Variants in SHANK2 observed in about 807,000 individuals in gnomAD.
SHANK2 encodes the protein SH3 and multiple ankyrin repeat domains protein 2.
SHANK2 carries 43 observed loss-of-function variants against 133.7 expected under a neutral mutation model. That is an observed-to-expected ratio of 0.32 (90% CI 0.25 to 0.41). The LOEUF is 0.41. Among genes scored for constraint, SHANK2 ranks in the 10% least tolerant of loss-of-function variants. SHANK2 has a pLI of 1.00. For synonymous variants in SHANK2, 1,017 were observed against 952.8 expected, an observed-to-expected ratio of 1.07 and a Z score of -1.24; for missense variants, 1,994 against 2,235.8, an observed-to-expected ratio of 0.89 and a Z score of 2.18.
At chr11:71,093,426 C>T (rs1951552913) in intron 7 of SHANK2, among the ~76,000 whole-genome samples, 2 of 152,092 alleles carry the variant, frequency 1.3e-5, no homozygotes, top group Non-Finnish European at 2.9e-5. Flanking sequence ...CAAATTGTAA[C>T]CCCCAGTGCT....
At chr11:71,129,307 G>A (rs1242064432) in intron 3 of SHANK2, among the ~76,000 whole-genome samples, 3 of 152,156 alleles carry the variant, frequency 2.0e-5, no homozygotes, top group East Asian at 3.9e-4. Context: ...TGATTCTGGC[G>A]AGGGGAGGCT....
chr11:70,743,089 G>C (rs1480605800), intron 14 of SHANK2, among the ~76,000 whole-genome samples: 3 of 152,214 alleles, frequency 2.0e-5, no homozygotes, highest in Non-Finnish European at 4.4e-5. Flanking sequence ...GGACCAGCGT[G>C]CATCTGCCGG....
At chr11:70,713,442 C>T (rs999860624) in intron 14 of SHANK2, among the ~76,000 whole-genome samples, 12 of 152,234 alleles carry the variant, frequency 7.9e-5, no homozygotes, top group Non-Finnish European at 1.3e-4. Context: ...TTTCACAGAA[C>T]CCCCGTAGCA....
rs138895963 is a variant in SHANK2, at chr11:70,890,896, G to A, written c.1174+5605C>T. On this transcript the variant is annotated intron_variant, in intron 11 of 25. Transcript: ENST00000601538. ...GGAGAATCGCTTGAACCCGGGAGGC[G>A]GAGGTTGCAATGAGCCAAGATCGTG... is the stretch of plus-strand genomic sequence containing the variant. Among the ~76,000 whole-genome samples, 803 of 151,956 alleles carry A rather than the reference G, an allele frequency of 5.3e-3. 8 individuals carry two copies. Among genetic ancestry groups the A allele is most frequent in the African/African-American group, 0.018 (728 of 41,416 alleles).
chr11:71,100,292 C>T (rs1016299248), intron 6 of SHANK2, among the ~76,000 whole-genome samples: 1 of 152,330 alleles, frequency 6.6e-6, no homozygotes, highest in East Asian at 1.9e-4. Flanking sequence ...TGAAAACTTA[C>T]GTCCACAAGG....
chr11:70,522,858 G>A, intron 17 of SHANK2, among the ~76,000 whole-genome samples: 1 of 152,112 alleles, frequency 6.6e-6, no homozygotes, highest in East Asian at 1.9e-4. Flanking sequence ...AGCCAGCCAG[G>A]CATTTGGGCC....
Position 71,141,077 on chromosome 11 carries a change from G to A in SHANK2, c.207+6043C>T, listed in dbSNP as rs569684197. Among the ~76,000 whole-genome samples, 9 of 152,346 alleles carry A rather than the reference G, an allele frequency of 5.9e-5. No individual in the cohort carries two copies. In the South Asian group the frequency reaches 1.9e-3, roughly 32 times the overall value. ...GATTAAGCATAAACCCTCCCCATGA[G>A]TAGGAGGGAGCAGTGGGGCTCCCGG... On this transcript the variant is annotated intron_variant, in intron 3 of 25. Transcript: ENST00000601538.
chr11:70,800,599 A>G (rs1555050306), intron 13 of SHANK2, among the ~76,000 whole-genome samples: 1 of 152,194 alleles, frequency 6.6e-6, no homozygotes, highest in Non-Finnish European at 1.5e-5. Context: ...ACCCCACTTT[A>G]TAAGTTCCTA....
rs782340227 is a variant in SHANK2 at position 70,882,950 on chromosome 11, G to A, written c.1174+13551C>T. ...TGGAGGTGAGGGCGGGCTTGCCTGC[G>A]GCCTGTGGGAGGGGAGGGCAGGAGC... On this transcript the variant is annotated intron_variant, in intron 11 of 25. Transcript: ENST00000601538. The surrounding 1 kb of genome is among the most constrained non-coding windows in gnomAD (Gnocchi z 4.2). Among the ~76,000 whole-genome samples the A allele has an allele frequency of 6.6e-6, 1 of 152,140 alleles. No homozygotes were observed. The highest frequency in any genetic ancestry group is 1.5e-5 in the Non-Finnish European group (1 of 68,022).
At chr11:70,766,681 C>T (rs1176019770) in intron 14 of SHANK2, among the ~76,000 whole-genome samples, 1 of 152,138 alleles carries the variant, frequency 6.6e-6, no homozygotes, top group Non-Finnish European at 1.5e-5. Context: ...GGCCGGAATG[C>T]TCCTTGCCGC....
rs1329989201 is a variant in SHANK2, at chr11:71,198,120, A to AT, written c.-13+26576dup. Among the ~76,000 whole-genome samples, 523 of 148,274 alleles carry AT rather than the reference A, an allele frequency of 3.5e-3. 4 individuals are homozygous for AT. Among genetic ancestry groups the AT allele is most frequent in the African/African-American group, 0.011 (464 of 40,604 alleles). Reference sequence around the variant, plus strand: ...TGCATTTTTGCCTTGCTTTTAATTAATTTTTTTTTTTAGAGATGGGGTCTC... The same window carrying AT: ...TGCATTTTTGCCTTGCTTTTAATTAATTTTTTTTTTTTAGAGATGGGGTCTC... On this transcript the variant is annotated intron_variant, in intron 2 of 25. Coordinates refer to ENST00000601538, the MANE Select transcript of SHANK2 (RefSeq NM_012309.5).
At chr11:70,631,525 A>G (rs1555002228) in intron 17 of SHANK2, among the ~76,000 whole-genome samples, 2 of 152,168 alleles carry the variant, frequency 1.3e-5, no homozygotes, top group Non-Finnish European at 2.9e-5. Flanking sequence ...TCCACTCGGC[A>G]AAGTCCCAGC....
intron 3 of SHANK2, among the ~76,000 whole-genome samples, chr11:71,130,753 G>A (rs1224316811): frequency 1.3e-5 from 2 of 152,152 alleles, no homozygotes; most frequent in Non-Finnish European, 2.9e-5. Flanking sequence ...AAGAGAACAA[G>A]GGGGAGGAAA....
intron 15 of SHANK2, among the ~76,000 whole-genome samples, chr11:70,675,219 G>C (rs555510306): frequency 6.6e-6 from 1 of 152,340 alleles, no homozygotes; most frequent in Admixed American, 6.5e-5. Context: ...GGATAGACCT[G>C]AATTCTGGCT....
chr11:70,841,065 C>T (rs1948895691), intron 11 of SHANK2, among the ~76,000 whole-genome samples: 1 of 152,084 alleles, frequency 6.6e-6, no homozygotes, highest in Non-Finnish European at 1.5e-5. Flanking sequence ...GAGTTCAAGA[C>T]CAGCCTGGCC....
chr11:71,120,869 GA>G (rs1952073115), intron 3 of SHANK2, among the ~76,000 whole-genome samples: 1 of 152,194 alleles, frequency 6.6e-6, no homozygotes, highest in Non-Finnish European at 1.5e-5. Flanking sequence ...CTCCCTCCCT[GA>G]CACCTGCAGA....
chr11:71,079,462 T>G (rs1951263216), intron 8 of SHANK2, among the ~76,000 whole-genome samples: 1 of 152,130 alleles, frequency 6.6e-6, no homozygotes, highest in Non-Finnish European at 1.5e-5. Flanking sequence ...TTTACAATTT[T>G]AAAAAGAAAG....
At chr11:71,133,109 T>C (rs1389507566) in intron 3 of SHANK2, among the ~76,000 whole-genome samples, 3 of 131,328 alleles carry the variant, frequency 2.3e-5, no homozygotes, top group Non-Finnish European at 4.7e-5. Flanking sequence ...ATTTCTATAA[T>C]CAAGAGAATG....
rs1565517490 is a variant in SHANK2 at position 70,473,353 on chromosome 11, G to A, written c.5066C>T (p.Thr1689Ile). Residue 1689 changes from threonine to isoleucine, a missense_variant, in exon 26 of 26, where the codon ACC (threonine) becomes ATC (isoleucine). Coordinates refer to ENST00000601538, the MANE Select transcript of SHANK2 (RefSeq NM_012309.5). This position sits in a 1 kb window ranked among gnomAD's most constrained non-coding sequence, Gnocchi z 5.9. ...ATAGTCGGGGGGCCGGCTCTGCAGG[G>A]TGATGGGCTGGGAGGTGCCGGGGCG... ...TVRPGTSQPI[T>I]LQSRPPDYES... 2 of 1,613,028 alleles carry A rather than the reference G, an allele frequency of 1.2e-6. No homozygotes were observed.
Sources: allele counts gnomAD v4.1 joint callset (sites outside exome capture counted in the v4.1 genomes callset), GRCh38; gene constraint gnomAD v4.1.1; non-coding constraint Gnocchi (gnomAD v3.1); transcripts MANE v1.5; gene names NCBI Gene and HGNC (gene_info 2026-07-23, HGNC 2026-07-21).